Variants in DLG5 observed in about 807,000 individuals in gnomAD.
DLG5 encodes discs large MAGUK scaffold protein 5.
In DLG5, 48 loss-of-function variants were observed where a neutral mutation model predicts 189.8. The observed-to-expected ratio is 0.25, with a 90% CI of 0.20 to 0.32. The LOEUF is 0.32. DLG5 is among the 10% of genes least tolerant of loss of function. DLG5 has a pLI of 1.00. For synonymous variants in DLG5, 1,016 were observed against 1,054.1 expected, an observed-to-expected ratio of 0.96 and a Z score of 0.70; for missense variants, 2,160 against 2,544.7, an observed-to-expected ratio of 0.85 and a Z score of 3.25.
intron 16 of DLG5, 53 bp from the exon 17 acceptor site, chr10:77,819,518 G>C: frequency 6.4e-7 from 1 of 1,571,492 alleles, no homozygotes; most frequent in Non-Finnish European, 8.6e-7. Context: ...GCCAGCCCAG[G>C]ACTTACACAA....
chr10:77,894,533 A>C (rs1845701863), intron 1 of DLG5, among the ~76,000 whole-genome samples: 1 of 149,492 alleles, frequency 6.7e-6, no homozygotes, highest in African/African-American at 2.5e-5. Context: ...ATTGTCAGCA[A>C]AGAATAAAGC....
rs1393435981 is a variant in DLG5, at chr10:77,792,539, G to A, written c.5661C>T (p.Val1887=). 1.2e-6 allele frequency: 2 copies of A among 1,613,990 alleles called. No individual in the cohort carries two copies. The highest frequency in any genetic ancestry group is 1.7e-6 in the Non-Finnish European group (2 of 1,180,004). ...EQEYSRYFTG[V]IQGGALSSIC... is the part of the protein sequence containing the mutation. ...TGCTTGACAGGGCTCCTCCCTGGATGACCCCTGCAAAAGAGCCCCCCAGAC... is the reference window on the plus strand; with the variant it reads ...TGCTTGACAGGGCTCCTCCCTGGATAACCCCTGCAAAAGAGCCCCCCAGAC... Residue 1887 remains valine (V), a synonymous_variant, in exon 32 of 32, where the codon GTC becomes GTT. Transcript: ENST00000372391.
At position 77,865,128 on chromosome 10, in the gene DLG5, C is replaced by T. The variant is rs78173484; in HGVS notation, c.373+4001G>A. 8.5e-5 allele frequency among the ~76,000 whole-genome samples: 13 copies of T among 152,294 alleles called. No individual in the cohort carries two copies. The East Asian group carries it at 2.5e-3, about 29-fold the overall frequency. Reference sequence around the variant, plus strand: ...GAGTTACTTCTTTCTTTCTGCTCTACACAGAACAGAATAGCCAGTCGTGCC... The same window carrying T: ...GAGTTACTTCTTTCTTTCTGCTCTATACAGAACAGAATAGCCAGTCGTGCC... On this transcript the variant is annotated intron_variant, in intron 2 of 31. Transcript: ENST00000372391.
At chr10:77,864,845 C>T (rs1343227301) in intron 2 of DLG5, among the ~76,000 whole-genome samples, 1 of 152,214 alleles carries the variant, frequency 6.6e-6, no homozygotes, top group African/African-American at 2.4e-5. Flanking sequence ...AGCGTTTCCC[C>T]AGCTTGGAGT....
chr10:77,869,426 G>A, intron 1 of DLG5: 2 of 504,870 alleles, frequency 4.0e-6, no homozygotes, highest in Admixed American at 4.0e-5. Context: ...GGGCAGGCGG[G>A]CAGAGGGGAA....
chr10:77,843,834 A>G, intron 5 of DLG5, 128 bp from the exon 6 acceptor site: 1 of 1,243,094 alleles, frequency 8.0e-7, no homozygotes, highest in South Asian at 1.4e-5. Flanking sequence ...GGTTACCCTA[A>G]AGCTTTTGAG....
chr10:77,794,861 G>A lies in DLG5; in HGVS notation c.5534C>T (p.Ala1845Val). ...PIVIFIHYKS[A>V]KHIKEQRDPI... ...GCCAGTTACCTACTTGATGTGCTTG[G>A]CGCTCTTGTAGTGGATGAAGATGAC... Residue 1845 changes from alanine to valine, a missense_variant, in exon 30 of 32, where the codon GCC becomes GTC. Transcript: ENST00000372391. 1.2e-6 allele frequency: 2 copies of A among 1,614,022 alleles called. No homozygotes were observed. The highest frequency in any genetic ancestry group is 2.2e-5 in the South Asian group (2 of 91,080).
intron 2 of DLG5, among the ~76,000 whole-genome samples, chr10:77,863,505 G>A (rs532286979): frequency 1.3e-3 from 200 of 152,228 alleles, no homozygotes; most frequent in African/African-American, 4.7e-3. Flanking sequence ...CTGTCACTGT[G>A]GTTATTTACA....
chr10:77,848,998 T>C (rs531264423), intron 5 of DLG5, among the ~76,000 whole-genome samples: 1 of 152,336 alleles, frequency 6.6e-6, no homozygotes, highest in Admixed American at 6.5e-5. Context: ...CTTCTGGGCA[T>C]TCTTGACACA....
intron 1 of DLG5, among the ~76,000 whole-genome samples, chr10:77,882,714 C>A (rs1339688901): frequency 6.6e-6 from 1 of 151,496 alleles, no homozygotes; most frequent in Non-Finnish European, 1.5e-5. Flanking sequence ...GAGTTGGAGA[C>A]CAGCCTGGCC....
At chr10:77,933,130 C>T in the DLG5 span, among the ~76,000 whole-genome samples, 1 of 152,134 alleles carries the variant, frequency 6.6e-6, no homozygotes, top group Non-Finnish European at 1.5e-5. Context: ...AGATGTTAAC[C>T]TTTAGGAAGC....
At chr10:77,918,286 G>T (rs1212628751) in intron 1 of DLG5, among the ~76,000 whole-genome samples, 1 of 151,938 alleles carries the variant, frequency 6.6e-6, no homozygotes, top group African/African-American at 2.4e-5. Context: ...GGTGGCACAT[G>T]CCTGTAGTCC....
chr10:77,809,649 G>C lies in DLG5; in HGVS notation c.4545C>G (p.His1515Gln), dbSNP rs369000494. 1.2e-6 allele frequency: 2 copies of C among 1,614,072 alleles called. No individual in the cohort carries two copies. The highest frequency in any genetic ancestry group is 1.7e-6 in the Non-Finnish European group (2 of 1,180,026). Residue 1515 changes from histidine to glutamine, a missense_variant, in exon 24 of 32, where the codon CAC (histidine) becomes CAG (glutamine). Around this residue, in one of 5 missense-constraint regions of DLG5, gnomAD observed 574 missense variants for 644.2 expected, o/e 0.89. Transcript: ENST00000372391. ...IKKSQLELGV[H>Q]LCGGNLHGVF... ...CCCCATGCAGGTTCCCACCACACAA[G>C]TGCACCCCAAGCTCCAGCTGGGACT...
chr10:77,877,861 G>GGGC (rs1845150625), intron 1 of DLG5, among the ~76,000 whole-genome samples: 1 of 152,030 alleles, frequency 6.6e-6, no homozygotes, highest in Admixed American at 6.5e-5. Context: ...GAGTGGAGCA[G>GGGC]CGCCTCTGCC....
intron 1 of DLG5, among the ~76,000 whole-genome samples, chr10:77,920,365 C>T (rs1846499185): frequency 6.6e-6 from 1 of 152,164 alleles, no homozygotes; most frequent in South Asian, 2.1e-4. Context: ...CTACCTAGAC[C>T]CACCATCCCA....
chr10:77,884,790 G>A (rs570265532), intron 1 of DLG5, among the ~76,000 whole-genome samples: 47 of 152,134 alleles, frequency 3.1e-4, no homozygotes, highest in Middle Eastern at 3.4e-3. Flanking sequence ...AATCCAAGAC[G>A]GGCCCTCAGA....
At chr10:77,904,194 A>G (rs192249352) in intron 1 of DLG5, among the ~76,000 whole-genome samples, 1 of 152,308 alleles carries the variant, frequency 6.6e-6, no homozygotes, top group East Asian at 1.9e-4. Context: ...CCCCATCTCA[A>G]CAAAAGGAAA....
chr10:77,910,898 G>A (rs1335797439), intron 1 of DLG5, among the ~76,000 whole-genome samples: 1 of 150,654 alleles, frequency 6.6e-6, no homozygotes, highest in African/African-American at 2.4e-5. Context: ...CTTGAACCTG[G>A]AAGTCAGAGG....
intron 1 of DLG5, chr10:77,889,459 T>G (rs1845544323): frequency 6.6e-6 from 1 of 152,256 alleles, no homozygotes; most frequent in South Asian, 2.1e-4. Context: ...GTCCACCAGC[T>G]CATGACAAAG....
Sources: gnomAD v4.1 joint callset for allele counts (sites outside exome capture counted in the v4.1 genomes callset) on GRCh38, gnomAD v4.1.1 for gene constraint, gnomAD v4.1.1 regional missense constraint, MANE v1.5 for transcripts, NCBI Gene and HGNC (gene_info 2026-07-23, HGNC 2026-07-21) for gene names.